The following TENM4 variants were observed in gnomAD, a reference collection of about 807,000 sequenced individuals.
TENM4 encodes the protein teneurin-4.
In TENM4, 82 loss-of-function variants were observed where a neutral mutation model predicts 243.3. The ratio of observed to expected loss-of-function variants is 0.34; its 90% CI spans 0.28 to 0.40. The LOEUF (loss-of-function observed/expected upper bound fraction) is 0.40. Ranked by LOEUF, TENM4 falls within the 10% of genes least tolerant of loss-of-function variation. The pLI is 1.00. For missense variants in TENM4, 3,138 were observed against 3,673.3 expected (o/e 0.85, Z 3.77); for synonymous variants, 1,412 against 1,456.3 (o/e 0.97, Z 0.69).
intron 18 of TENM4, among the ~76,000 whole-genome samples, chr11:78,768,251 C>T (rs937274737): frequency 2.6e-5 from 4 of 152,210 alleles, no homozygotes; most frequent in South Asian, 2.1e-4. Context: ...TGAGGTGAGA[C>T]GTTTCCTCAT....
intron 12 of TENM4, among the ~76,000 whole-genome samples, chr11:78,850,306 C>A (rs1401621826): frequency 6.6e-6 from 1 of 152,262 alleles, no homozygotes; most frequent in Admixed American, 6.5e-5. Context: ...TACTTAATTA[C>A]AAACAGACAT....
intron 6 of TENM4, among the ~76,000 whole-genome samples, chr11:78,935,188 T>A (rs907264990): frequency 2.0e-5 from 3 of 151,084 alleles, no homozygotes; most frequent in African/African-American, 7.3e-5. Flanking sequence ...ATTTTCTGTA[T>A]TTTTAGTAGA....
chr11:78,723,238 G>A (rs1173026992), intron 23 of TENM4, among the ~76,000 whole-genome samples: 3 of 152,346 alleles, frequency 2.0e-5, no homozygotes, highest in South Asian at 2.1e-4. Flanking sequence ...GAGTCTGGGC[G>A]CTTAGCCATT....
At chr11:79,163,327 G>A (rs999605948) in intron 3 of TENM4, among the ~76,000 whole-genome samples, 1 of 152,038 alleles carries the variant, frequency 6.6e-6, no homozygotes, top group African/African-American at 2.4e-5. Flanking sequence ...ATTTTAACAG[G>A]TGTGGAAACT....
chr11:79,420,473 C>T (rs1858907141), intron 1 of TENM4, among the ~76,000 whole-genome samples: 1 of 152,160 alleles, frequency 6.6e-6, no homozygotes, highest in African/African-American at 2.4e-5. Context: ...TGAAGAAACC[C>T]TACTCTTGTG....
chr11:79,435,743 C>T (rs1022981917), intron 1 of TENM4, among the ~76,000 whole-genome samples: 2 of 152,168 alleles, frequency 1.3e-5, no homozygotes, highest in Non-Finnish European at 2.9e-5. Context: ...TTCCTTCAAC[C>T]TCTAGCACAA....
At chr11:78,960,770 TATA>T (rs1321735781) in intron 6 of TENM4, among the ~76,000 whole-genome samples, 3 of 152,224 alleles carry the variant, frequency 2.0e-5, no homozygotes, top group African/African-American at 7.2e-5. Flanking sequence ...CACCTTCGGC[TATA>T]ATGATGTACT....
chr11:79,414,851 C>A (rs1858779258), intron 1 of TENM4, among the ~76,000 whole-genome samples: 1 of 152,160 alleles, frequency 6.6e-6, no homozygotes, highest in South Asian at 2.1e-4. Context: ...CTCCTGAGCT[C>A]CTTGAACCTA....
chr11:79,120,026 A>T (rs1254674597), intron 4 of TENM4, among the ~76,000 whole-genome samples: 1 of 152,044 alleles, frequency 6.6e-6, no homozygotes, highest in African/African-American at 2.4e-5. Context: ...CCCCATCAAT[A>T]CCCTTGATAG....
rs1335849917 is a variant in TENM4, at chr11:79,099,686, T to G, written c.-65-29677A>C. On this transcript the variant is annotated intron_variant, in intron 4 of 33. Transcript: ENST00000278550. Reference sequence around the variant, plus strand: ...AATGCTGACACCCTATACATCTGTATGCTCTTTAAGGCAAGATCCCCAGAG... The same window carrying G: ...AATGCTGACACCCTATACATCTGTAGGCTCTTTAAGGCAAGATCCCCAGAG... 3.3e-5 allele frequency among the ~76,000 whole-genome samples: 5 copies of G among 152,316 alleles called. No individual in the cohort carries two copies. The East Asian group carries it at 9.6e-4, about 29-fold the overall frequency.
chr11:78,805,277 T>TGCCCCCCCCCCCCCA lies in TENM4; in HGVS notation c.2179+14_2179+15insTGGGGGGGGGGGGGC. On this transcript the variant is annotated intron_variant, in intron 15 of 33. Transcript: ENST00000278550. ...CCCCTCCCTCTACCCATGCTTCTTC[T>TGCCCCCCCCCCCCCA]CCCCCTGCATTTACCGATAGAACAG... 1 of 1,402,550 alleles carries TGCCCCCCCCCCCCCA rather than the reference T, an allele frequency of 7.1e-7. No individual in the cohort carries two copies. The highest frequency in any genetic ancestry group is 9.7e-7 in the Non-Finnish European group (1 of 1,033,116). The allele number at this position is 1,402,550 out of a possible 1,614,324, so 86.9% of individuals were successfully genotyped here.
At chr11:79,417,625 G>C (rs781586490) in intron 1 of TENM4, among the ~76,000 whole-genome samples, 16 of 152,336 alleles carry the variant, frequency 1.1e-4, no homozygotes, top group Non-Finnish European at 2.1e-4. Context: ...AGAACACTAT[G>C]TATGTCTCCT....
chr11:79,158,248 T>G (rs76701689), intron 3 of TENM4, among the ~76,000 whole-genome samples: 271 of 152,336 alleles, frequency 1.8e-3, no homozygotes, highest in African/African-American at 5.9e-3. Flanking sequence ...ACTTAAGCTT[T>G]TCTGGCCACA....
chr11:79,187,210 G>A (rs768647497), intron 3 of TENM4, among the ~76,000 whole-genome samples: 4 of 152,154 alleles, frequency 2.6e-5, no homozygotes, highest in Non-Finnish European at 4.4e-5. Context: ...ACTATGAGAC[G>A]GGTTCAAGAT....
chr11:79,093,662 G>A (rs538679453), intron 4 of TENM4: 3 of 152,466 alleles, frequency 2.0e-5, no homozygotes, highest in Admixed American at 2.0e-4. Context: ...GCCCAATCCA[G>A]AGTGGGGATG....
chr11:78,981,245 A>G (rs1400893631), intron 6 of TENM4, among the ~76,000 whole-genome samples: 2 of 152,230 alleles, frequency 1.3e-5, no homozygotes, highest in African/African-American at 2.4e-5. Flanking sequence ...TATAACAGAA[A>G]TATAATTATT....
intron 7 of TENM4, among the ~76,000 whole-genome samples, chr11:78,891,964 T>C (rs1855678277): frequency 6.6e-6 from 1 of 152,212 alleles, no homozygotes; most frequent in Non-Finnish European, 1.5e-5. Context: ...CTAGGGATTC[T>C]GTCAGCAGGT....
chr11:78,862,842 GA>G, intron 10 of TENM4, 119 bp downstream of exon 10: 1 of 1,067,316 alleles, frequency 9.4e-7, no homozygotes, highest in Non-Finnish European at 1.2e-6. Context: ...TGGAAGGATG[GA>G]GGGAGCGCCA....
intron 3 of TENM4, among the ~76,000 whole-genome samples, chr11:79,179,025 T>G (rs1311352989): frequency 6.6e-6 from 1 of 152,240 alleles, no homozygotes; most frequent in Non-Finnish European, 1.5e-5. Context: ...ATATTATTTC[T>G]GCAGAGTAAG....
Sources: allele counts gnomAD v4.1 joint callset (sites outside exome capture counted in the v4.1 genomes callset), GRCh38; gene constraint gnomAD v4.1.1; transcripts MANE v1.5; gene names NCBI Gene and HGNC (gene_info 2026-07-23, HGNC 2026-07-21).